The following GNAQ variants were observed in gnomAD, a reference collection of about 807,000 sequenced individuals.
GNAQ encodes guanine nucleotide-binding protein G(q) subunit alpha.
GNAQ carries 8 observed loss-of-function variants against 43.9 expected under a neutral mutation model. The ratio of observed to expected loss-of-function variants is 0.18; its 90% CI spans 0.11 to 0.33. The LOEUF is 0.33. Ranked by LOEUF, GNAQ falls within the 10% of genes least tolerant of loss-of-function variation. The pLI, the probability that GNAQ is intolerant of heterozygous loss-of-function variation, is 1.00. For synonymous variants in GNAQ, 155 were observed against 170.7 expected, an observed-to-expected ratio of 0.91 and a Z score of 0.71; for missense variants, 158 against 450.8, an observed-to-expected ratio of 0.35 and a Z score of 5.88.
chr9:77,837,326 C>T (rs563113354), intron 2 of GNAQ, among the ~76,000 whole-genome samples: 29 of 151,936 alleles, frequency 1.9e-4, no homozygotes, highest in Non-Finnish European at 2.5e-4. Flanking sequence ...CCGAGGCAGG[C>T]GGATCGCCTG....
At chr9:77,893,929 C>A (rs1828445985) in intron 2 of GNAQ, among the ~76,000 whole-genome samples, 1 of 152,062 alleles carries the variant, frequency 6.6e-6, no homozygotes, top group Non-Finnish European at 1.5e-5. Flanking sequence ...TCTTCCTCCC[C>A]ACTCTCACCT....
At chr9:77,741,269 C>A (rs373408092) in intron 5 of GNAQ, among the ~76,000 whole-genome samples, 1 of 152,202 alleles carries the variant, frequency 6.6e-6, no homozygotes, top group East Asian at 1.9e-4. Context: ...ATAATTATCA[C>A]AGCCACCTGA....
intron 2 of GNAQ, among the ~76,000 whole-genome samples, chr9:77,831,171 G>A (rs1827292505): frequency 6.6e-6 from 1 of 152,102 alleles, no homozygotes; most frequent in African/African-American, 2.4e-5. Context: ...AGTGACTTAA[G>A]CAGAACTTAC....
chr9:77,975,916 G>C (rs538232288), intron 1 of GNAQ, among the ~76,000 whole-genome samples: 2 of 152,308 alleles, frequency 1.3e-5, no homozygotes, highest in Admixed American at 1.3e-4. Context: ...ATAGGATTCA[G>C]TGTGTTCTTT....
chr9:77,843,259 G>C (rs1001392880), intron 2 of GNAQ, among the ~76,000 whole-genome samples: 3 of 152,152 alleles, frequency 2.0e-5, no homozygotes, highest in Non-Finnish European at 2.9e-5. Flanking sequence ...ATATCTGGGG[G>C]AAGACAGGCA....
At chr9:77,760,935 C>T (rs1288376853) in intron 5 of GNAQ, among the ~76,000 whole-genome samples, 4 of 151,056 alleles carry the variant, frequency 2.6e-5, no homozygotes, top group South Asian at 2.1e-4. Context: ...TCTGCCCAGC[C>T]GCCCCATCTG....
rs191986330 is a variant in GNAQ at position 78,010,257 on chromosome 9, G to A, written c.136+20843C>T. On this transcript the variant is annotated intron_variant, in intron 1 of 6. Coordinates refer to ENST00000286548, the MANE Select transcript of GNAQ (RefSeq NM_002072.5). The stretch of plus-strand genomic sequence containing the variant: ...AAAAGGAAGAAAGCCATCCCCAAGG[G>A]TGTCATGAGGCCAACTTCAATTACT... 1.1e-4 allele frequency among the ~76,000 whole-genome samples: 16 copies of A among 152,314 alleles called. No individual in the cohort carries two copies. In the East Asian group the frequency reaches 2.9e-3, roughly 28 times the overall value.
intron 1 of GNAQ, among the ~76,000 whole-genome samples, chr9:77,958,903 A>G (rs1191902658): frequency 6.6e-6 from 1 of 152,112 alleles, no homozygotes; most frequent in Non-Finnish European, 1.5e-5. Flanking sequence ...TTCTTTCATG[A>G]TTTTCCCCTT....
At chr9:77,880,569 G>GT (rs1198287619) in intron 2 of GNAQ, among the ~76,000 whole-genome samples, 3,847 of 120,094 alleles carry the variant, frequency 0.032, 148 homozygotes, top group African/African-American at 0.1. Flanking sequence ...TTTTTTTTTT[G>GT]TTTTTTTTGT....
chr9:77,716,239 C>G lies in GNAQ; in HGVS notation c.*5084G>C, dbSNP rs978924278. 9.0e-6 allele frequency: 2 copies of G among 221,700 alleles called. No individual in the cohort carries two copies. The highest frequency in any genetic ancestry group is 1.3e-4 in the East Asian group (2 of 15,242). 13.7% of individuals were successfully genotyped at this position (221,700 alleles called of 1,614,324 possible). A position where few individuals can be genotyped will look rare whatever the true frequency, so the allele number is the denominator to read the frequency against. The stretch of plus-strand genomic sequence containing the variant: ...GGGGCTCGGGCAACTTTAATGGAAG[C>G]AAAACTCAACAATGAAGAATACTAT... On this transcript the variant is annotated 3_prime_UTR_variant, in exon 7 of 7. Coordinates refer to ENST00000286548, the MANE Select transcript of GNAQ (RefSeq NM_002072.5).
At chr9:77,958,402 C>T (rs11145633) in intron 1 of GNAQ, among the ~76,000 whole-genome samples, 44,727 of 151,898 alleles carry the variant, frequency 0.29, 6,779 homozygotes, top group South Asian at 0.43. Flanking sequence ...AGTACATCTA[C>T]AGCTGCCAGC....
At chr9:77,782,617 T>TA (rs1465846473) in intron 5 of GNAQ, among the ~76,000 whole-genome samples, 3 of 152,196 alleles carry the variant, frequency 2.0e-5, no homozygotes, top group African/African-American at 7.2e-5. Flanking sequence ...AACATACTCT[T>TA]ACCATATAAT....
intron 5 of GNAQ, among the ~76,000 whole-genome samples, chr9:77,740,975 A>G (rs1463235391): frequency 6.6e-6 from 1 of 152,224 alleles, no homozygotes; most frequent in African/African-American, 2.4e-5. Flanking sequence ...ATATACAACA[A>G]ATGAGTGTGG....
chr9:77,747,185 T>C (rs1422065831), intron 5 of GNAQ, among the ~76,000 whole-genome samples: 2 of 152,094 alleles, frequency 1.3e-5, no homozygotes, highest in Non-Finnish European at 2.9e-5. Flanking sequence ...AATGAACATA[T>C]ATTACCTTAG....
intron 5 of GNAQ, among the ~76,000 whole-genome samples, chr9:77,734,486 G>C (rs1173566838): frequency 6.8e-6 from 1 of 147,320 alleles, no homozygotes; most frequent in Non-Finnish European, 1.5e-5. Flanking sequence ...AGAATGTCAT[G>C]AGGGCATTCA....
chr9:78,013,761 T>G (rs977267963), intron 1 of GNAQ, among the ~76,000 whole-genome samples: 1 of 152,086 alleles, frequency 6.6e-6, no homozygotes, highest in African/African-American at 2.4e-5. Flanking sequence ...GGTTGGCAAA[T>G]ACCTGCCAGA....
At chr9:78,006,528 T>C (rs1049945533) in intron 1 of GNAQ, among the ~76,000 whole-genome samples, 3 of 152,198 alleles carry the variant, frequency 2.0e-5, no homozygotes, top group African/African-American at 2.4e-5. Context: ...AAAAAATAAA[T>C]TATCTGCAAT....
chr9:77,755,436 A>G (rs1490895878), intron 5 of GNAQ, among the ~76,000 whole-genome samples: 3 of 152,178 alleles, frequency 2.0e-5, no homozygotes, highest in African/African-American at 7.2e-5. Context: ...TGATTATTAC[A>G]CACTGCATGC....
intron 5 of GNAQ, among the ~76,000 whole-genome samples, chr9:77,743,294 A>AC (rs2118266490): frequency 6.6e-6 from 1 of 152,156 alleles, no homozygotes; most frequent in South Asian, 2.1e-4. Context: ...AACAAAAAAA[A>AC]CAAACAACAT....
Sources: allele counts gnomAD v4.1 joint callset (sites outside exome capture counted in the v4.1 genomes callset), GRCh38; gene constraint gnomAD v4.1.1; transcripts MANE v1.5; gene names NCBI Gene and HGNC (gene_info 2026-07-23, HGNC 2026-07-21).